UBE2D3: variants seen among roughly 807,000 people sequenced by gnomAD.
UBE2D3 encodes the protein ubiquitin conjugating enzyme E2 D3, also known as ubiquitin-conjugating enzyme E2 D3.
A neutral mutation model predicts 22.8 loss-of-function variants in UBE2D3; 2 were observed. The observed-to-expected ratio is 0.09, with a 90% CI of 0.04 to 0.28. The LOEUF is 0.28. Among genes scored for constraint, UBE2D3 ranks in the 10% least tolerant of loss-of-function variants. The probability of loss-of-function intolerance (pLI) is 1.00; values close to 1 mark genes in which losing one functional copy is unlikely to be tolerated. For synonymous variants in UBE2D3, 56 were observed against 60.4 expected, an observed-to-expected ratio of 0.93 and a Z score of 0.34; for missense variants, 27 against 182.5, an observed-to-expected ratio of 0.15 and a Z score of 4.91.
intron 1 of UBE2D3, among the ~76,000 whole-genome samples, chr4:102,849,267 G>C (rs139759556): frequency 6.6e-6 from 1 of 150,658 alleles, no homozygotes; most frequent in African/African-American, 2.4e-5. Flanking sequence ...GGGAGGCTAA[G>C]GTAGGAGGAT....
At chr4:102,821,884 C>T (rs533219257) in intron 2 of UBE2D3, among the ~76,000 whole-genome samples, 3 of 152,208 alleles carry the variant, frequency 2.0e-5, no homozygotes, top group African/African-American at 7.2e-5. Context: ...CTCTTCTATA[C>T]GCTAACAGAT....
intron 7 of UBE2D3, chr4:102,799,062 T>A: frequency 2.1e-6 from 3 of 1,455,184 alleles, no homozygotes; most frequent in Non-Finnish European, 1.9e-6. Context: ...TTCAAATATT[T>A]GAGAAATTTA....
chr4:102,825,968 C>A, intron 2 of UBE2D3: 1 of 315,400 alleles, frequency 3.2e-6, no homozygotes, highest in Non-Finnish European at 6.3e-6. Flanking sequence ...GACTCACTGA[C>A]TGACCTTCAA....
intron 1 of UBE2D3, among the ~76,000 whole-genome samples, chr4:102,842,001 TTATCTC>T (rs1349821974): frequency 2.0e-5 from 3 of 152,174 alleles, no homozygotes; most frequent in Admixed American, 1.3e-4. Context: ...GAGAAAAACT[TTATCTC>T]TACTTTTTAC....
chr4:102,863,029 C>T (rs1732970227), intron 1 of UBE2D3, among the ~76,000 whole-genome samples: 1 of 151,828 alleles, frequency 6.6e-6, no homozygotes, highest in Non-Finnish European at 1.5e-5. Context: ...TGGGTATGCC[C>T]AGGCTTCTTT....
chr4:102,848,784 A>C (rs1278048724), intron 1 of UBE2D3, among the ~76,000 whole-genome samples: 2 of 151,934 alleles, frequency 1.3e-5, no homozygotes, highest in African/African-American at 4.8e-5. Context: ...GCACCACTGC[A>C]CTCCATTCTG....
intron 1 of UBE2D3, chr4:102,827,131 C>T (rs911169236): frequency 3.5e-5 from 35 of 986,476 alleles, no homozygotes; most frequent in Non-Finnish European, 4.0e-5. Context: ...CTGTGTCACC[C>T]CTGACGCCAC....
chr4:102,836,890 C>T (rs889906082), intron 1 of UBE2D3, among the ~76,000 whole-genome samples: 1 of 152,176 alleles, frequency 6.6e-6, no homozygotes, highest in East Asian at 1.9e-4. Context: ...ATAGGTGACA[C>T]ATATGGGAGT....
chr4:102,825,856 C>T (rs1730382205), intron 2 of UBE2D3: 1 of 448,642 alleles, frequency 2.2e-6, no homozygotes. Context: ...TGAAAAGCTG[C>T]AACTACAAAA....
chr4:102,799,262 TTAAA>T, intron 7 of UBE2D3, 141 bp downstream of exon 7: 1 of 721,002 alleles, frequency 1.4e-6, no homozygotes, highest in Non-Finnish European at 2.3e-6. Flanking sequence ...TTAAGTTTTT[TTAAA>T]TAACCACATT....
intron 1 of UBE2D3, among the ~76,000 whole-genome samples, chr4:102,838,877 C>T (rs541811015): frequency 1.4e-5 from 2 of 147,088 alleles, no homozygotes; most frequent in African/African-American, 5.0e-5. Context: ...AAATTCTATT[C>T]ATGTGAGGGA....
At chr4:102,801,335 TTTA>T (rs1254989311) in intron 6 of UBE2D3, 116 bp downstream of exon 6, 1 of 781,836 alleles carries the variant, frequency 1.3e-6, no homozygotes, top group East Asian at 3.0e-5. Context: ...TAAAAGTAAC[TTTA>T]TTGCTTCCCC....
At chr4:102,801,629 A>G in intron 5 of UBE2D3, 70 bp from the exon 6 acceptor site, 1 of 1,240,028 alleles carries the variant, frequency 8.1e-7, no homozygotes, top group Non-Finnish European at 1.1e-6. Flanking sequence ...ACTTAAAATA[A>G]TCAAGCCACA....
intron 1 of UBE2D3, among the ~76,000 whole-genome samples, chr4:102,849,690 A>T (rs1359447351): frequency 6.6e-6 from 1 of 152,224 alleles, no homozygotes; most frequent in African/African-American, 2.4e-5. Flanking sequence ...GCTCAACTTC[A>T]ATGGTCATCA....
intron 1 of UBE2D3, among the ~76,000 whole-genome samples, chr4:102,855,873 G>A (rs1189325428): frequency 2.0e-5 from 3 of 152,292 alleles, no homozygotes; most frequent in African/African-American, 7.2e-5. Context: ...AAACAATTTT[G>A]GAAGGTAATA....
At position 102,834,462 on chromosome 4, in the gene UBE2D3, T is replaced by C. The variant is rs115415898; in HGVS notation, c.-128-7826A>G. ...AGACCCAATAGAAAAAGTCACAAGA[T>C]TGAGGGCCGGGTGTGGTGGTACATA... On this transcript the variant is annotated intron_variant, in intron 1 of 7. Coordinates refer to the UBE2D3 transcript ENST00000338145. Among the ~76,000 whole-genome samples, 1,022 of 152,150 alleles carry C rather than the reference T, an allele frequency of 6.7e-3. 5 individuals are homozygous for C. The highest frequency in any genetic ancestry group is 0.011 in the Non-Finnish European group (756 of 67,982).
chr4:102,833,719 T>G lies in UBE2D3; in HGVS notation c.-128-7083A>C, dbSNP rs1731234659. 2.0e-5 allele frequency among the ~76,000 whole-genome samples: 3 copies of G among 152,178 alleles called. No individual in the cohort carries two copies. In the South Asian group the frequency reaches 6.2e-4, roughly 31 times the overall value. The stretch of plus-strand genomic sequence containing the variant: ...ATTCTGAAATGGAAGTAAAAGGGCT[T>G]TAAAGATGTTAGAAGCATTTTAAGA... On this transcript the variant is annotated intron_variant, in intron 1 of 7. Transcript: ENST00000338145.
Position 102,858,390 on chromosome 4 carries a change from C to T in UBE2D3, c.-129+10325G>A, listed in dbSNP as rs377744333. Among the ~76,000 whole-genome samples the T allele has an allele frequency of 3.0e-4, 46 of 151,878 alleles. 1 individual carries two copies. The East Asian group carries it at 8.5e-3, about 28-fold the overall frequency. On this transcript the variant is annotated intron_variant, in intron 1 of 7. Transcript: ENST00000338145. ...TGGTAGTTTAAGGCTTCTTGTATAA[C>T]GGTTCTTTGTGATGTTTTTCTTGTC...
chr4:102,846,436 G>A (rs1732044319), intron 1 of UBE2D3, among the ~76,000 whole-genome samples: 1 of 152,082 alleles, frequency 6.6e-6, no homozygotes, highest in African/African-American at 2.4e-5. Context: ...TTGATTCTTA[G>A]GTGAGTGCAC....
Sources: allele counts gnomAD v4.1 joint callset (sites outside exome capture counted in the v4.1 genomes callset), GRCh38; gene constraint gnomAD v4.1.1; transcripts MANE v1.5; gene names NCBI Gene and HGNC (gene_info 2026-07-23, HGNC 2026-07-21).